The following C8orf34 variants were observed in gnomAD, a reference collection of about 807,000 sequenced individuals.
The protein encoded by C8orf34 is uncharacterized protein C8orf34.
A neutral mutation model predicts 68.3 loss-of-function variants in C8orf34; 65 were observed. That is an observed-to-expected ratio of 0.95 (90% CI 0.78 to 1.17). C8orf34 has a LOEUF of 1.17. Among genes scored for constraint, C8orf34 ranks in the 50% most tolerant of loss-of-function variants. The pLI is 0.00. For missense variants in C8orf34, 664 were observed against 655.4 expected (o/e 1.01, Z -0.14); for synonymous variants, 244 against 241.2 (o/e 1.01, Z -0.11).
intron 13 of C8orf34, 116 bp downstream of exon 13, chr8:68,816,061 G>T (rs1824803592): frequency 6.6e-7 from 1 of 1,523,740 alleles, no homozygotes; most frequent in Non-Finnish European, 9.0e-7. Flanking sequence ...ATGAGAATAG[G>T]TTTTTCTCCA....
intron 7 of C8orf34, among the ~76,000 whole-genome samples, chr8:68,565,515 G>A (rs1389956666): frequency 2.0e-5 from 3 of 152,172 alleles, no homozygotes; most frequent in Admixed American, 6.5e-5. Context: ...GAGCAGTGCT[G>A]GAAGAGAAGA....
rs1015426056 is a variant in C8orf34 at position 68,727,096 on chromosome 8, T to C, written c.1404+5659T>C. Reference sequence around the variant, plus strand: ...AGACAAAGCAAGTCCTTTCTGTCTATGAGCTTGTAAAATCAAAAGCAAGCT... The same window carrying C: ...AGACAAAGCAAGTCCTTTCTGTCTACGAGCTTGTAAAATCAAAAGCAAGCT... On this transcript the variant is annotated intron_variant, in intron 10 of 13. Coordinates refer to ENST00000518698, the MANE Select transcript of C8orf34 (RefSeq NM_052958.4). Among the ~76,000 whole-genome samples the C allele has an allele frequency of 2.6e-5, 4 of 152,250 alleles. No homozygotes were observed. In the East Asian group the frequency reaches 7.7e-4, roughly 29 times the overall value.
In C8orf34 at chr8:68,521,841, A is replaced by G; in HGVS notation, c.808A>G (p.Ile270Val). The change falls in exon 6 of 14, where the codon ATT becomes GTT. Residue 270 changes from isoleucine (I) to valine (V), a missense_variant. Ile to Val is a conservative substitution (Grantham distance 29). Transcript: ENST00000518698. Reference protein sequence around the residue: ...FNSSLLRPRVIGEWIGREEND... With the variant: ...FNSSLLRPRVVGEWIGREEND... Reference sequence around the variant, plus strand: ...TTCTTCTCTTCTGAGGCCCCGTGTGATTGGAGAATGGATTGGTAGAGAAGA... The same window carrying G: ...TTCTTCTCTTCTGAGGCCCCGTGTGGTTGGAGAATGGATTGGTAGAGAAGA... The G allele has an allele frequency of 6.2e-7, 1 of 1,614,010 alleles. No homozygotes were observed.
At chr8:68,780,170 CAA>C (rs1823635346) in intron 11 of C8orf34, among the ~76,000 whole-genome samples, 2 of 152,258 alleles carry the variant, frequency 1.3e-5, no homozygotes, top group South Asian at 4.1e-4. Flanking sequence ...CTTATATGGA[CAA>C]GAGGCATTTG....
At position 68,687,194 on chromosome 8, in the gene C8orf34, AG is replaced by A. The variant is rs1430981173; in HGVS notation, c.1242-21799del. Among the ~76,000 whole-genome samples, 8 of 152,290 alleles carry A rather than the reference AG, an allele frequency of 5.3e-5. No homozygotes were observed. In the South Asian group the frequency reaches 8.3e-4, roughly 16 times the overall value. On this transcript the variant is annotated intron_variant, in intron 8 of 13. Coordinates refer to ENST00000518698, the MANE Select transcript of C8orf34 (RefSeq NM_052958.4). Reference sequence around the variant, plus strand: ...CTGTAAAAATGACAATATGTCCCAAAGTAATCTACAGATTCAATGCAATTCC... The same window carrying A: ...CTGTAAAAATGACAATATGTCCCAAATAATCTACAGATTCAATGCAATTCC...
chr8:68,343,556 C>A (rs948248021), intron 1 of C8orf34, among the ~76,000 whole-genome samples: 1 of 151,282 alleles, frequency 6.6e-6, no homozygotes, highest in African/African-American at 2.4e-5. Context: ...TCCCAAGTAG[C>A]TGGGACTGCA....
chr8:68,818,841 C>A lies in C8orf34; in HGVS notation c.*595C>A, dbSNP rs923682415. The A allele has an allele frequency of 6.6e-6, 1 of 151,966 alleles. No individual in the cohort carries two copies. The highest frequency in any genetic ancestry group is 1.5e-5 in the Non-Finnish European group (1 of 67,984). 9.4% of individuals were successfully genotyped at this position (151,966 alleles called of 1,614,324 possible). A position where few individuals can be genotyped will look rare whatever the true frequency, so the allele number is the denominator to read the frequency against. On this transcript the variant is annotated 3_prime_UTR_variant, in exon 14 of 14. Coordinates refer to ENST00000518698, the MANE Select transcript of C8orf34 (RefSeq NM_052958.4). ...TAATTGATATGTTAATTAAGTAAAGCAAATCAATAAGGAATGAAATGCATG... is the reference window on the plus strand; with the variant it reads ...TAATTGATATGTTAATTAAGTAAAGAAAATCAATAAGGAATGAAATGCATG...
intron 1 of C8orf34, among the ~76,000 whole-genome samples, chr8:68,425,485 AAATAT>A (rs566281753): frequency 8.1e-4 from 123 of 152,322 alleles, no homozygotes; most frequent in African/African-American, 2.7e-3. Context: ...GCCAGACTAG[AAATAT>A]AATATAACTT....
chr8:68,688,753 A>T (rs747662543), intron 8 of C8orf34, among the ~76,000 whole-genome samples: 7 of 152,166 alleles, frequency 4.6e-5, no homozygotes, highest in Non-Finnish European at 8.8e-5. Context: ...CAAACACTGC[A>T]TGTTCTCACT....
intron 1 of C8orf34, among the ~76,000 whole-genome samples, chr8:68,402,518 T>C (rs2129621273): frequency 6.6e-6 from 1 of 152,292 alleles, no homozygotes; most frequent in Admixed American, 6.5e-5. Context: ...GTGATCTTCC[T>C]ACTTTTTTGA....
intron 11 of C8orf34, among the ~76,000 whole-genome samples, chr8:68,783,644 C>T (rs999786439): frequency 5.9e-5 from 9 of 152,094 alleles, no homozygotes; most frequent in African/African-American, 2.2e-4. Context: ...GAAGTCCCTC[C>T]CTACTTCAAG....
chr8:68,386,839 C>A (rs941212950), intron 1 of C8orf34, among the ~76,000 whole-genome samples: 1 of 152,034 alleles, frequency 6.6e-6, no homozygotes, highest in Admixed American at 6.6e-5. Flanking sequence ...TGTTTGGCAG[C>A]ATTGCTGGCT....
chr8:68,744,123 G>C (rs1233355693), intron 10 of C8orf34, among the ~76,000 whole-genome samples: 1 of 152,206 alleles, frequency 6.6e-6, no homozygotes, highest in Non-Finnish European at 1.5e-5. Flanking sequence ...AGCAGGGGCA[G>C]ACTGACACCT....
At chr8:68,396,154 A>G (rs1808697795) in intron 1 of C8orf34, among the ~76,000 whole-genome samples, 1 of 151,836 alleles carries the variant, frequency 6.6e-6, no homozygotes, top group Admixed American at 6.6e-5. Context: ...CTGTGACCCC[A>G]CCTCCAAACA....
rs569080887 is a variant in C8orf34 at position 68,484,504 on chromosome 8, G to A, written c.737-3519G>A. 2.0e-5 allele frequency among the ~76,000 whole-genome samples: 3 copies of A among 151,918 alleles called. No individual in the cohort carries two copies. The South Asian group carries it at 6.2e-4, about 31-fold the overall frequency. On this transcript the variant is annotated intron_variant, in intron 4 of 13. Transcript: ENST00000518698. ...CTTTTCTTTCTTCCAACATATCTTC[G>A]CAACCCACTTCATTTTCTCTTGCAT...
intron 8 of C8orf34, among the ~76,000 whole-genome samples, chr8:68,648,761 GA>G (rs1819255500): frequency 6.6e-6 from 1 of 152,142 alleles, no homozygotes. Context: ...TGTTGTTTTT[GA>G]ACTGATTTGT....
chr8:68,543,873 T>C (rs1221328360), intron 7 of C8orf34, among the ~76,000 whole-genome samples: 1 of 152,140 alleles, frequency 6.6e-6, no homozygotes, highest in Non-Finnish European at 1.5e-5. Context: ...TGAACTTGAC[T>C]CTTTAGACTC....
chr8:68,604,463 G>T (rs1817793758), intron 7 of C8orf34, among the ~76,000 whole-genome samples: 3 of 151,974 alleles, frequency 2.0e-5, no homozygotes, highest in Admixed American at 6.6e-5. Flanking sequence ...GTACAAACAA[G>T]TTCTAGATGA....
In C8orf34 at chr8:68,774,130, A is replaced by T. The variant is rs1167366530; in HGVS notation, c.1405-2269A>T. Among the ~76,000 whole-genome samples, 4 of 152,032 alleles carry T rather than the reference A, an allele frequency of 2.6e-5. No individual in the cohort carries two copies. The East Asian group carries it at 7.7e-4, about 29-fold the overall frequency. On this transcript the variant is annotated intron_variant, in intron 10 of 13. Coordinates refer to ENST00000518698, the MANE Select transcript of C8orf34 (RefSeq NM_052958.4). ...CATTTGTAACTCTGAGCAATTTGCC[A>T]CATTGTTCTCTTACTCCTAACCACC...
Sources: allele counts gnomAD v4.1 joint callset (sites outside exome capture counted in the v4.1 genomes callset), GRCh38; gene constraint gnomAD v4.1.1; transcripts MANE v1.5; gene names NCBI Gene and HGNC (gene_info 2026-07-23, HGNC 2026-07-21).